PTCSC3: variants seen among roughly 807,000 people sequenced by gnomAD.
PTCSC3 encodes the protein papillary thyroid carcinoma susceptibility candidate 3 (non-protein coding).
chr14:36,138,856 G>A (rs1881348754), intron 3 of PTCSC3, among the ~76,000 whole-genome samples: 1 of 152,018 alleles, frequency 6.6e-6, no homozygotes, highest in Non-Finnish European at 1.5e-5. Context: ...CGGGTGGCTC[G>A]CGGCTGTAAT....
intron 3 of PTCSC3, among the ~76,000 whole-genome samples, chr14:36,143,107 G>T (rs1225283417): frequency 6.6e-6 from 1 of 150,514 alleles, no homozygotes; most frequent in Non-Finnish European, 1.5e-5. Context: ...GAATAGTGCC[G>T]CAATAAACAT....
At chr14:36,151,027 C>T (rs899626596) in intron 3 of PTCSC3, among the ~76,000 whole-genome samples, 1 of 151,902 alleles carries the variant, frequency 6.6e-6, no homozygotes, top group African/African-American at 2.4e-5. Flanking sequence ...TTTTCTTCTC[C>T]CTGAAGAAAT....
chr14:36,137,704 A>T (rs957955090), intron 3 of PTCSC3, among the ~76,000 whole-genome samples: 2 of 152,256 alleles, frequency 1.3e-5, no homozygotes, highest in South Asian at 4.1e-4. Context: ...AGATGGAGCA[A>T]CTATAAGATA....
chr14:36,150,368 GA>G (rs1421259574), intron 3 of PTCSC3, among the ~76,000 whole-genome samples: 1 of 152,134 alleles, frequency 6.6e-6, no homozygotes, highest in Non-Finnish European at 1.5e-5. Context: ...AAGGTACCCT[GA>G]AACAAGGTAC....
At chr14:36,148,687 C>T (rs1018186720) in intron 3 of PTCSC3, among the ~76,000 whole-genome samples, 2 of 152,156 alleles carry the variant, frequency 1.3e-5, no homozygotes, top group Non-Finnish European at 2.9e-5. Flanking sequence ...TTGGCTCCTC[C>T]CCCCATTCAA....
At chr14:36,141,651 C>A (rs1036933100) in intron 3 of PTCSC3, among the ~76,000 whole-genome samples, 2 of 151,758 alleles carry the variant, frequency 1.3e-5, no homozygotes, top group African/African-American at 4.8e-5. Context: ...CTGTGCCTGG[C>A]CAGAGTTATA....
At chr14:36,167,447 A>G (rs1882111288) in intron 1 of PTCSC3, among the ~76,000 whole-genome samples, 1 of 152,190 alleles carries the variant, frequency 6.6e-6, no homozygotes, top group Non-Finnish European at 1.5e-5. Flanking sequence ...TTATTTACAA[A>G]GAAGACTGAA....
At chr14:36,145,165 C>T (rs1881530772) in intron 3 of PTCSC3, among the ~76,000 whole-genome samples, 1 of 144,438 alleles carries the variant, frequency 6.9e-6, no homozygotes, top group Non-Finnish European at 1.5e-5. Context: ...CAGGATGACG[C>T]TGGCCTCATA....
intron 2 of PTCSC3, among the ~76,000 whole-genome samples, chr14:36,154,228 C>T (rs1273366893): frequency 6.6e-6 from 1 of 152,074 alleles, no homozygotes; most frequent in Non-Finnish European, 1.5e-5. Flanking sequence ...TGGGAGGGGA[C>T]ACCATGAGGG....
chr14:36,143,022 G>A (rs1486860308), intron 3 of PTCSC3, among the ~76,000 whole-genome samples: 6 of 151,980 alleles, frequency 3.9e-5, no homozygotes, highest in Non-Finnish European at 7.4e-5. Flanking sequence ...ATTCCATGGT[G>A]TGTATGTGCC....
intron 2 of PTCSC3, among the ~76,000 whole-genome samples, chr14:36,159,496 C>T (rs1041201270): frequency 6.6e-6 from 1 of 152,130 alleles, no homozygotes; most frequent in African/African-American, 2.4e-5. Context: ...GCCTTAATTT[C>T]ATTATTTACC....
intron 2 of PTCSC3, among the ~76,000 whole-genome samples, chr14:36,155,026 GC>G (rs1881799994): frequency 6.6e-6 from 1 of 152,042 alleles, no homozygotes; most frequent in Admixed American, 6.6e-5. Flanking sequence ...CTCTGCTGGA[GC>G]TTTTTCTCCT....
chr14:36,152,175 C>T (rs1881738172), intron 3 of PTCSC3, among the ~76,000 whole-genome samples: 1 of 151,520 alleles, frequency 6.6e-6, no homozygotes, highest in South Asian at 2.1e-4. Context: ...TACAATATTA[C>T]ATACAAATAT....
intron 3 of PTCSC3, among the ~76,000 whole-genome samples, chr14:36,148,433 CT>C (rs761411274): frequency 9.0e-4 from 137 of 152,344 alleles, no homozygotes; most frequent in East Asian, 1.2e-3. Flanking sequence ...TTTCCAGGTG[CT>C]GTCCGTCACC....
intron 3 of PTCSC3, among the ~76,000 whole-genome samples, chr14:36,142,814 C>G (rs893407563): frequency 2.4e-5 from 3 of 123,448 alleles, no homozygotes; most frequent in South Asian, 3.2e-4. Flanking sequence ...CCCCTCCCCC[C>G]ACCCCACAAC....
At chr14:36,164,628 T>G (rs898547029) in intron 1 of PTCSC3, among the ~76,000 whole-genome samples, 2 of 152,194 alleles carry the variant, frequency 1.3e-5, no homozygotes, top group African/African-American at 4.8e-5. Flanking sequence ...CTTGGACATT[T>G]ACAGATTCTC....
intron 3 of PTCSC3, among the ~76,000 whole-genome samples, chr14:36,147,306 G>A (rs1194044907): frequency 2.6e-5 from 4 of 152,298 alleles, no homozygotes; most frequent in Non-Finnish European, 4.4e-5. Context: ...ACACCAATCA[G>A]ACGTAGATTT....
At chr14:36,149,074 A>C (rs1881663924) in intron 3 of PTCSC3, among the ~76,000 whole-genome samples, 1 of 151,868 alleles carries the variant, frequency 6.6e-6, no homozygotes, top group South Asian at 2.1e-4. Flanking sequence ...TAGTTATCTA[A>C]TGTGTAGGCT....
chr14:36,169,428 G>C (rs954438302), intron 1 of PTCSC3, among the ~76,000 whole-genome samples: 12 of 152,140 alleles, frequency 7.9e-5, no homozygotes, highest in African/African-American at 2.4e-4. Flanking sequence ...ACCTTTGAGA[G>C]AGAATGGAGA....
Sources: allele counts gnomAD v4.1 joint callset (sites outside exome capture counted in the v4.1 genomes callset), GRCh38; gene constraint gnomAD v4.1.1; transcripts MANE v1.5; gene names NCBI Gene and HGNC (gene_info 2026-07-23, HGNC 2026-07-21).